The following AGL variants were observed in gnomAD, a reference collection of about 807,000 sequenced individuals.
AGL encodes amylo-alpha-1,6-glucosidase and 4-alpha-glucanotransferase.
In AGL, 128 loss-of-function variants were observed where a neutral mutation model predicts 199.3. That is an observed-to-expected ratio of 0.64 (90% CI 0.56 to 0.74). The LOEUF (loss-of-function observed/expected upper bound fraction) is 0.74, where lower values mean the gene tolerates loss of function less well. AGL is among the 30% of genes least tolerant of loss of function. AGL has a pLI of 0.00. For missense variants in AGL, 1,809 were observed against 1,820.8 expected, an observed-to-expected ratio of 0.99 and a Z score of 0.12; for synonymous variants, 584 against 594.7, an observed-to-expected ratio of 0.98 and a Z score of 0.26.
intron 4 of AGL, among the ~76,000 whole-genome samples, chr1:99,863,497 TTG>T (rs1263114219): frequency 2.6e-5 from 4 of 151,996 alleles, no homozygotes; most frequent in African/African-American, 9.7e-5. Flanking sequence ...AAAATGAAAC[TTG>T]TGTTTCATTT....
chr1:99,916,589 C>G lies in AGL; in HGVS notation c.4348-9C>G. 2 of 1,611,918 alleles carry G rather than the reference C, an allele frequency of 1.2e-6. No individual in the cohort carries two copies. The highest frequency in any genetic ancestry group is 2.2e-5 in the South Asian group (2 of 90,660). On this transcript the variant is annotated splice_polypyrimidine_tract_variant and intron_variant, in intron 32 of 33. Transcript: ENST00000361915. ...TGGTTTTTTTTGTCTTTTAAATAAT[C>G]TTTTTTAGGAGTGGCTGTGGCCTAT...
chr1:99,906,074 A>G (rs1308061223), intron 27 of AGL, among the ~76,000 whole-genome samples: 2 of 152,170 alleles, frequency 1.3e-5, no homozygotes, highest in Admixed American at 1.3e-4. Context: ...TTGTTGTGCA[A>G]CCATCATCAC....
At chr1:99,859,371 G>T (rs1649837574) in intron 2 of AGL, among the ~76,000 whole-genome samples, 1 of 148,568 alleles carries the variant, frequency 6.7e-6, no homozygotes. Context: ...TTTTAATTAG[G>T]ATTATACTAT....
In AGL at chr1:99,851,065, G is replaced by A; in HGVS notation, c.23G>A (p.Arg8Gln). MGHSKQI[R>Q]ILLLNEMEKL... is the part of the protein sequence containing the mutation. The stretch of plus-strand genomic sequence containing the variant: ...AAAATGGGACACAGTAAACAGATTC[G>A]AATTTTACTTCTGAACGAAATGGAG... Residue 8 changes from arginine (R) to glutamine (Q), a missense_variant, in exon 2 of 34, where the codon CGA (arginine) becomes CAA (glutamine). By Grantham distance (43) the Arg-to-Gln change is conservative. Transcript: ENST00000361915. The A allele has an allele frequency of 6.2e-7, 1 of 1,614,022 alleles. No individual in the cohort carries two copies. Among genetic ancestry groups the A allele is most frequent in the Non-Finnish European group, 8.5e-7 (1 of 1,179,940 alleles).
chr1:99,851,029 C>A lies in AGL; in HGVS notation c.-14C>A. The A allele has an allele frequency of 6.2e-7, 1 of 1,609,680 alleles. No homozygotes were observed. Among genetic ancestry groups the A allele is most frequent in the Non-Finnish European group, 8.5e-7 (1 of 1,176,030 alleles). On this transcript the variant is annotated 5_prime_UTR_variant, in exon 2 of 34. Transcript: ENST00000361915. ...TAATTCTTATGAAAGATTTCAAATCCTCTAGAAGCCAAAATGGGACACAGT... is the reference window on the plus strand; with the variant it reads ...TAATTCTTATGAAAGATTTCAAATCATCTAGAAGCCAAAATGGGACACAGT...
chr1:99,893,247 GAAGA>G (rs1435548861), intron 24 of AGL, among the ~76,000 whole-genome samples: 1 of 152,124 alleles, frequency 6.6e-6, no homozygotes, highest in Non-Finnish European at 1.5e-5. Flanking sequence ...CAAGTTACAG[GAAGA>G]AAGAAATAGT....
intron 2 of AGL, among the ~76,000 whole-genome samples, chr1:99,859,722 A>G (rs1649880729): frequency 6.6e-6 from 1 of 152,074 alleles, no homozygotes; most frequent in African/African-American, 2.4e-5. Context: ...TTTTGCGTTT[A>G]GTAGAGATGG....
chr1:99,905,669 G>C (rs1205736206), intron 27 of AGL, among the ~76,000 whole-genome samples: 1 of 152,084 alleles, frequency 6.6e-6, no homozygotes, highest in African/African-American at 2.4e-5. Flanking sequence ...TAATTCCTGG[G>C]TTTAAGCAGT....
chr1:99,921,114 A>T (rs1442286747), intron 33 of AGL, among the ~76,000 whole-genome samples: 1 of 152,196 alleles, frequency 6.6e-6, no homozygotes, highest in African/African-American at 2.4e-5. Context: ...GTATTCTGGA[A>T]TGCCATTTTT....
chr1:99,882,388 C>T (rs1056048254), intron 17 of AGL, among the ~76,000 whole-genome samples: 5 of 152,096 alleles, frequency 3.3e-5, no homozygotes, highest in African/African-American at 1.2e-4. Context: ...CACAAACATA[C>T]ATACAAACAT....
At position 99,916,653 on chromosome 1, in the gene AGL, T is replaced by C. The variant is rs778858576; in HGVS notation, c.4403T>C (p.Leu1468Ser). ...CGTGCAAAATTATATTTTTCCAGAT[T>C]GATGGGCCCGGAGACTACTGCAAAG... ...FLRAKLYFSR[L>S]MGPETTAKTI... Residue 1468 changes from leucine to serine, a missense_variant, in exon 33 of 34, where the codon TTG becomes TCG. Leu to Ser is a moderately radical substitution (Grantham distance 145). Transcript: ENST00000361915. 10 of 1,613,252 alleles carry C rather than the reference T, an allele frequency of 6.2e-6. No individual in the cohort carries two copies. In the South Asian group the frequency reaches 8.8e-5, roughly 14 times the overall value.
intron 7 of AGL, 108 bp from the exon 8 acceptor site, chr1:99,874,579 T>G: frequency 9.5e-7 from 1 of 1,052,796 alleles, no homozygotes; most frequent in Non-Finnish European, 1.4e-6. Flanking sequence ...AATAAATATT[T>G]GTTTTATTTT....
chr1:99,858,136 G>A (rs955723484), intron 2 of AGL, among the ~76,000 whole-genome samples: 4 of 152,152 alleles, frequency 2.6e-5, no homozygotes, highest in African/African-American at 9.7e-5. Flanking sequence ...TTAAATAACA[G>A]TCTCTATATT....
chr1:99,865,995 C>T (rs962252091), intron 5 of AGL, among the ~76,000 whole-genome samples: 2 of 152,116 alleles, frequency 1.3e-5, no homozygotes, highest in African/African-American at 4.8e-5. Context: ...AAGCCAGGTG[C>T]TGTGGCTTGC....
Position 99,916,412 on chromosome 1 carries a change from A to G in AGL, c.4262A>G (p.Asp1421Gly), listed in dbSNP as rs761264157. 31 of 1,605,864 alleles carry G rather than the reference A, an allele frequency of 1.9e-5. No homozygotes were observed. The African/African-American group carries it at 3.1e-4, about 16-fold the overall frequency. Residue 1421 changes from aspartate (D) to glycine (G), a missense_variant and splice_region_variant, in exon 32 of 34, where the codon GAT becomes GGT. Coordinates refer to ENST00000361915, the MANE Select transcript of AGL (RefSeq NM_000642.3). ...PLGMKTLDPD[D>G]MVYCGIYDNA... ...CTTAAATTTCAATCATTTTGCAGTG[A>G]TATGGTTTACTGTGGAATTTATGAC...
chr1:99,910,909 G>T, intron 28 of AGL, 62 bp downstream of exon 28: 2 of 1,537,826 alleles, frequency 1.3e-6, no homozygotes, highest in African/African-American at 1.4e-5. Flanking sequence ...CTTACTTGTG[G>T]AATCTTTTAT....
chr1:99,870,712 A>G (rs1650920014), intron 6 of AGL, 46 bp from the exon 7 acceptor site: 4 of 1,423,472 alleles, frequency 2.8e-6, no homozygotes, highest in Non-Finnish European at 3.0e-6. Context: ...CTGATTTTAA[A>G]TAAGTATATG....
intron 2 of AGL, among the ~76,000 whole-genome samples, chr1:99,859,250 C>G (rs1432217437): frequency 1.3e-5 from 2 of 151,980 alleles, no homozygotes. Flanking sequence ...TTAATTCTTT[C>G]TGTAATTATT....
At chr1:99,856,984 C>A (rs1294135403) in intron 2 of AGL, among the ~76,000 whole-genome samples, 1 of 152,232 alleles carries the variant, frequency 6.6e-6, no homozygotes, top group Non-Finnish European at 1.5e-5. Flanking sequence ...GGTGGCTAGG[C>A]AGAGGGGCTC....
Sources: gnomAD v4.1 joint callset for allele counts (sites outside exome capture counted in the v4.1 genomes callset) on GRCh38, gnomAD v4.1.1 for gene constraint, MANE v1.5 for transcripts, NCBI Gene and HGNC (gene_info 2026-07-23, HGNC 2026-07-21) for gene names.